Variants in TNIK observed in about 807,000 individuals in gnomAD.
The protein encoded by TNIK is TRAF2 and NCK-interacting protein kinase.
Under a neutral mutation model 191.3 loss-of-function variants are expected in TNIK, and 49 were observed. The observed-to-expected ratio is 0.26, with a 90% CI of 0.20 to 0.32. TNIK has a LOEUF of 0.32. TNIK is among the 10% of genes least tolerant of loss of function. The pLI, the probability that TNIK is intolerant of heterozygous loss-of-function variation, is 1.00. For synonymous variants in TNIK, 594 were observed against 600.9 expected (o/e 0.99, Z 0.17); for missense variants, 1,155 against 1,702.3 (o/e 0.68, Z 5.66).
At chr3:171,291,833 C>G (rs966897913) in intron 2 of TNIK, among the ~76,000 whole-genome samples, 1 of 152,136 alleles carries the variant, frequency 6.6e-6, no homozygotes, top group Non-Finnish European at 1.5e-5. Context: ...CTGTTCCACT[C>G]TTTCTCCTTT....
chr3:171,161,720 C>T (rs1227360175), intron 10 of TNIK, among the ~76,000 whole-genome samples: 1 of 151,768 alleles, frequency 6.6e-6, no homozygotes, highest in Non-Finnish European at 1.5e-5. Context: ...AGATCGAGAC[C>T]ATCCTGGCTA....
chr3:171,437,236 T>G (rs9843681), intron 1 of TNIK, among the ~76,000 whole-genome samples: 5,396 of 152,262 alleles, frequency 0.035, 131 homozygotes, highest in South Asian at 0.067. Context: ...CCAAGCTTAG[T>G]AGGAGGTACA....
rs553357733 is a variant in TNIK at position 171,067,371 on chromosome 3, A to G, written c.3700-636T>C. Among the ~76,000 whole-genome samples, 11 of 152,276 alleles carry G rather than the reference A, an allele frequency of 7.2e-5. No individual in the cohort carries two copies. In the East Asian group the frequency reaches 2.1e-3, roughly 29 times the overall value. On this transcript the variant is annotated intron_variant, in intron 30 of 32. Coordinates refer to ENST00000436636, the MANE Select transcript of TNIK (RefSeq NM_015028.4). ...GAAAAAATATTTAGAATGACCACTC[A>G]TTAAAAAAAATCATTATTGCCGCAC...
chr3:171,284,180 T>G (rs1750773102), intron 2 of TNIK, among the ~76,000 whole-genome samples: 1 of 152,098 alleles, frequency 6.6e-6, no homozygotes, highest in Non-Finnish European at 1.5e-5. Context: ...AAGATTCTGA[T>G]GCACACTAAA....
At chr3:171,106,630 A>T in intron 21 of TNIK, 1 of 523,434 alleles carries the variant, frequency 1.9e-6, no homozygotes. Context: ...AAAGCCATAT[A>T]TTTTTCTAAT....
intron 2 of TNIK, among the ~76,000 whole-genome samples, chr3:171,292,586 C>T (rs999728497): frequency 2.6e-5 from 4 of 152,082 alleles, no homozygotes; most frequent in African/African-American, 9.7e-5. Flanking sequence ...ACCATCCTGG[C>T]TAACATGGTG....
chr3:171,141,325 C>T (rs1413877760), intron 12 of TNIK, among the ~76,000 whole-genome samples: 1 of 152,214 alleles, frequency 6.6e-6, no homozygotes, highest in Non-Finnish European at 1.5e-5. Context: ...TTCAAGGTCA[C>T]ACCCAGTAAA....
At chr3:171,362,063 T>G (rs987547141) in intron 2 of TNIK, among the ~76,000 whole-genome samples, 3 of 152,188 alleles carry the variant, frequency 2.0e-5, no homozygotes, top group Non-Finnish European at 4.4e-5. Flanking sequence ...TGAGACCTTA[T>G]GCTACCTGAA....
intron 7 of TNIK, among the ~76,000 whole-genome samples, chr3:171,188,174 C>T (rs541910277): frequency 5.6e-4 from 86 of 152,298 alleles, no homozygotes; most frequent in African/African-American, 2.1e-3. Context: ...AATCAAATTT[C>T]TATGAAACAT....
intron 12 of TNIK, among the ~76,000 whole-genome samples, chr3:171,144,408 TTTTTA>T (rs199922779): frequency 5.9e-5 from 8 of 135,056 alleles, no homozygotes; most frequent in African/African-American, 2.0e-4. Context: ...TTCCTTTTTA[TTTTTA>T]TTTTAAGATA....
At chr3:171,163,359 C>A (rs1173540064) in intron 10 of TNIK, among the ~76,000 whole-genome samples, 2 of 152,142 alleles carry the variant, frequency 1.3e-5, no homozygotes, top group Non-Finnish European at 2.9e-5. Context: ...TAAAAAGAAA[C>A]TGAAACTGCA....
intron 30 of TNIK, among the ~76,000 whole-genome samples, chr3:171,067,452 C>T (rs1320460943): frequency 2.6e-5 from 4 of 151,828 alleles, no homozygotes; most frequent in African/African-American, 9.7e-5. Flanking sequence ...GGGCGGATCA[C>T]GACGTCAGGA....
chr3:171,330,071 TA>T (rs1189840419), intron 2 of TNIK, among the ~76,000 whole-genome samples: 2 of 152,238 alleles, frequency 1.3e-5, no homozygotes, highest in African/African-American at 4.8e-5. Flanking sequence ...CTGTCCTAAA[TA>T]GATTATTCAG....
Position 171,202,770 on chromosome 3 carries a change from G to A in TNIK, c.307-8135C>T, listed in dbSNP as rs112014651. Among the ~76,000 whole-genome samples the A allele has an allele frequency of 5.2e-3, 797 of 152,302 alleles. 6 individuals carry two copies. Among genetic ancestry groups the A allele is most frequent in the Admixed American group, 0.012 (191 of 15,302 alleles). On this transcript the variant is annotated intron_variant, in intron 4 of 32. Transcript: ENST00000436636. ...TGTTTGTATCTACGTAACTTACCTT[G>A]TGTCTCTATAGGTCTTGCAATGTGG...
At chr3:171,089,422 C>T (rs1392153018) in intron 23 of TNIK, among the ~76,000 whole-genome samples, 1 of 152,204 alleles carries the variant, frequency 6.6e-6, no homozygotes, top group Non-Finnish European at 1.5e-5. Context: ...TTTCCCCAAA[C>T]CTCTCTTTAG....
chr3:171,188,379 C>G (rs1737628818), intron 7 of TNIK, among the ~76,000 whole-genome samples: 1 of 152,166 alleles, frequency 6.6e-6, no homozygotes, highest in African/African-American at 2.4e-5. Context: ...AATATATACT[C>G]TTCCAAAAAT....
chr3:171,270,973 A>G (rs1477413623), intron 2 of TNIK, among the ~76,000 whole-genome samples: 1 of 152,184 alleles, frequency 6.6e-6, no homozygotes, highest in Non-Finnish European at 1.5e-5. Flanking sequence ...ATTTAATACA[A>G]CACTCATTTG....
intron 2 of TNIK, among the ~76,000 whole-genome samples, chr3:171,317,645 A>C (rs1294579752): frequency 6.6e-6 from 1 of 152,174 alleles, no homozygotes; most frequent in African/African-American, 2.4e-5. Flanking sequence ...GATGACAAGA[A>C]AGGGAAAGAA....
chr3:171,411,579 CT>C, intron 1 of TNIK, among the ~76,000 whole-genome samples: 1 of 152,030 alleles, frequency 6.6e-6, no homozygotes, highest in East Asian at 1.9e-4. Flanking sequence ...CATGGCTCAC[CT>C]TTTTATACTG....
Sources: allele counts gnomAD v4.1 joint callset (sites outside exome capture counted in the v4.1 genomes callset), GRCh38; gene constraint gnomAD v4.1.1; transcripts MANE v1.5; gene names NCBI Gene and HGNC (gene_info 2026-07-23, HGNC 2026-07-21).